The following VPS54 variants were observed in gnomAD, a reference collection of about 807,000 sequenced individuals.
The protein encoded by VPS54 is VPS54 subunit of GARP complex, also known as vacuolar protein sorting-associated protein 54.
A neutral mutation model predicts 121.5 loss-of-function variants in VPS54; 45 were observed. The ratio of observed to expected loss-of-function variants is 0.37; its 90% CI spans 0.29 to 0.47. The LOEUF (loss-of-function observed/expected upper bound fraction) is 0.47. VPS54 is among the 20% of genes least tolerant of loss of function. VPS54 has a pLI of 0.99. For missense variants in VPS54, 1,090 were observed against 1,131.4 expected (o/e 0.96, Z 0.52); for synonymous variants, 371 against 385.8 (o/e 0.96, Z 0.45).
In VPS54 at chr2:63,957,659, C is replaced by A. The variant is rs558381091; in HGVS notation, c.1010+4399G>T. 8.3e-4 allele frequency among the ~76,000 whole-genome samples: 127 copies of A among 152,120 alleles called. 1 individual carries two copies. The highest frequency in any genetic ancestry group is 3.0e-3 in the African/African-American group (126 of 41,514). ...GGAACTTATACAGATACATCATACC[C>A]CCAAATCCATTAGTAGAAACCTCTT... On this transcript the variant is annotated intron_variant, in intron 7 of 22. Transcript: ENST00000272322.
chr2:63,913,990 T>G (rs1371876124), intron 17 of VPS54, 192 bp downstream of exon 17: 1 of 1,253,896 alleles, frequency 8.0e-7, no homozygotes. Flanking sequence ...TGAGGATCAC[T>G]AACTGTGGAG....
intron 1 of VPS54, among the ~76,000 whole-genome samples, chr2:64,014,628 A>G (rs762884961): frequency 6.6e-5 from 7 of 105,604 alleles, no homozygotes; most frequent in African/African-American, 1.1e-4. Flanking sequence ...CCGCCTTACT[A>G]TCTACATTCC....
chr2:63,893,444 C>T lies in VPS54; in HGVS notation c.2920G>A (p.Glu974Lys). ...CCAGGATGACATCACCTCTTCTGCT[C>T]CCAAATTTCGGCCATATTTAGGTCC... ...DLDLNMAEIW[E>K]QKR The change falls in exon 23 of 23, where the codon GAG becomes AAG. Residue 974 changes from glutamate to lysine, a missense_variant. Glu to Lys is a moderately conservative substitution (Grantham distance 56). Coordinates refer to ENST00000272322, the MANE Select transcript of VPS54 (RefSeq NM_016516.3). The T allele has an allele frequency of 1.2e-6, 2 of 1,613,998 alleles. No homozygotes were observed. Among genetic ancestry groups the T allele is most frequent in the Non-Finnish European group, 1.7e-6 (2 of 1,179,888 alleles).
At chr2:64,002,501 A>C (rs1044757275) in intron 1 of VPS54, among the ~76,000 whole-genome samples, 4 of 152,230 alleles carry the variant, frequency 2.6e-5, no homozygotes, top group African/African-American at 2.4e-5. Context: ...TTTATGTTAA[A>C]CATCCATTGC....
intron 12 of VPS54, among the ~76,000 whole-genome samples, chr2:63,930,304 G>C (rs1273420695): frequency 6.6e-6 from 1 of 152,106 alleles, no homozygotes; most frequent in South Asian, 2.1e-4. Context: ...ACATCGAAAA[G>C]CTTATCCACC....
At chr2:63,934,589 G>A (rs1674366693) in intron 11 of VPS54, among the ~76,000 whole-genome samples, 1 of 152,034 alleles carries the variant, frequency 6.6e-6, no homozygotes, top group Admixed American at 6.6e-5. Context: ...CTGAGGTTCT[G>A]GCTCCAGTGG....
At chr2:63,902,598 T>C (rs1412697530) in intron 20 of VPS54, among the ~76,000 whole-genome samples, 1 of 151,818 alleles carries the variant, frequency 6.6e-6, no homozygotes, top group Non-Finnish European at 1.5e-5. Flanking sequence ...AATATCCCAC[T>C]GTCAAGAAAT....
intron 20 of VPS54, among the ~76,000 whole-genome samples, chr2:63,905,395 G>GA (rs1186760130): frequency 6.6e-6 from 1 of 151,924 alleles, no homozygotes; most frequent in East Asian, 1.9e-4. Flanking sequence ...AAGAATAAAA[G>GA]AATATCATAT....
At chr2:63,935,523 A>G (rs1674415064) in intron 11 of VPS54, among the ~76,000 whole-genome samples, 1 of 151,990 alleles carries the variant, frequency 6.6e-6, no homozygotes, top group Non-Finnish European at 1.5e-5. Flanking sequence ...CTGTCTTGCT[A>G]ATTTTCTTTC....
chr2:63,973,808 G>A (rs576988997), intron 3 of VPS54, among the ~76,000 whole-genome samples: 8 of 152,248 alleles, frequency 5.3e-5, no homozygotes, highest in African/African-American at 1.9e-4. Context: ...ACCTCCCAAA[G>A]TGCTGGGATT....
At chr2:63,945,460 G>A (rs1011780968) in intron 9 of VPS54, among the ~76,000 whole-genome samples, 5 of 152,094 alleles carry the variant, frequency 3.3e-5, no homozygotes, top group African/African-American at 4.8e-5. Flanking sequence ...ATACCTGGGT[G>A]ATGATATAAT....
chr2:63,972,226 T>G lies in VPS54; in HGVS notation c.397A>C (p.Arg133=). 1 of 1,591,830 alleles carries G rather than the reference T, an allele frequency of 6.3e-7. No individual in the cohort carries two copies. Among genetic ancestry groups the G allele is most frequent in the Non-Finnish European group, 8.6e-7 (1 of 1,164,838 alleles). The change falls in exon 4 of 23, where the codon AGA becomes CGA. Residue 133 remains arginine, a synonymous_variant. Coordinates refer to ENST00000272322, the MANE Select transcript of VPS54 (RefSeq NM_016516.3). ...TTAGGAGGACAAATATTCTTGCATCTCTCATGAATCTTCTCTCTCTAATAA... is the reference window on the plus strand; with the variant it reads ...TTAGGAGGACAAATATTCTTGCATCGCTCATGAATCTTCTCTCTCTAATAA... ...EISQREKIHE[R]CKNICPPKDT...
At position 63,972,205 on chromosome 2, in the gene VPS54, G is replaced by A. The variant is rs773018734; in HGVS notation, c.418C>T (p.Pro140Ser). Residue 140 changes from proline to serine, a missense_variant, in exon 4 of 23, where the codon CCT (proline) becomes TCT (serine). Transcript: ENST00000272322. ...AGAGTCCTTTCGAAGGTATCTTTAG[G>A]AGGACAAATATTCTTGCATCTCTCA... is the stretch of plus-strand genomic sequence containing the variant. ...IHERCKNICP[P>S]KDTFERTLLH... is the part of the protein sequence containing the mutation. 9 of 1,595,714 alleles carry A rather than the reference G, an allele frequency of 5.6e-6. No homozygotes were observed. Among genetic ancestry groups the A allele is most frequent in the Admixed American group, 1.7e-5 (1 of 59,666 alleles).
In VPS54 at chr2:63,920,435, G is replaced by A. The variant is rs750259007; in HGVS notation, c.2051+11C>T. On this transcript the variant is annotated intron_variant, in intron 14 of 22. Transcript: ENST00000272322. ...AAAAATCAAACAACAGAATGGACAT[G>A]GTGATGATACCTGAGCTTGGTTTTT... 1.3e-6 allele frequency: 2 copies of A among 1,489,656 alleles called. No individual in the cohort carries two copies. Among genetic ancestry groups the A allele is most frequent in the Middle Eastern group, 1.8e-4 (1 of 5,562 alleles). The allele number at this position is 1,489,656 out of a possible 1,614,324, so 92.3% of individuals were successfully genotyped here.
rs1397496103 is a variant in VPS54, at chr2:63,919,806, A to G, written c.2164+77T>C. 2.2e-5 allele frequency: 24 copies of G among 1,067,710 alleles called. 1 individual carries two copies. The South Asian group carries it at 3.8e-4, about 17-fold the overall frequency. 66.1% of individuals were successfully genotyped at this position (1,067,710 alleles called of 1,614,324 possible). On this transcript the variant is annotated intron_variant, in intron 15 of 22. Transcript: ENST00000272322. ...AGCTTTGAAATAGGCATTGTCAACT[A>G]AAGAAATATTAAGCATTAATACAAA...
intron 7 of VPS54, among the ~76,000 whole-genome samples, chr2:63,959,424 A>G (rs1474575017): frequency 6.6e-6 from 1 of 152,200 alleles, no homozygotes; most frequent in Non-Finnish European, 1.5e-5. Flanking sequence ...TCTGATACCA[A>G]ACTTTTAAAC....
At chr2:63,977,896 G>A (rs1575981831) in intron 3 of VPS54, among the ~76,000 whole-genome samples, 2 of 152,166 alleles carry the variant, frequency 1.3e-5, no homozygotes, top group Admixed American at 6.5e-5. Context: ...GGTGTCAGAG[G>A]CTAAAATTTC....
In VPS54 at chr2:63,913,083, A is replaced by C. The variant is rs187423239; in HGVS notation, c.2422+140T>G. The C allele has an allele frequency of 3.1e-4, 207 of 665,898 alleles. No individual in the cohort carries two copies. The African/African-American group carries it at 3.4e-3, about 11-fold the overall frequency. 41.2% of individuals were successfully genotyped at this position (665,898 alleles called of 1,614,324 possible). A position where few individuals can be genotyped will look rare whatever the true frequency, so the allele number is the denominator to read the frequency against. ...GTTTTTTTCAGTGATGAGTATACAT[A>C]AAAGAGTAAGTAGCATTTATTTTTA... is the stretch of plus-strand genomic sequence containing the variant. On this transcript the variant is annotated intron_variant, in intron 18 of 22. Coordinates refer to ENST00000272322, the MANE Select transcript of VPS54 (RefSeq NM_016516.3).
intron 15 of VPS54, among the ~76,000 whole-genome samples, chr2:63,917,868 T>A (rs1035313189): frequency 3.3e-5 from 5 of 151,972 alleles, no homozygotes; most frequent in African/African-American, 9.7e-5. Flanking sequence ...TTGCTTAACC[T>A]CTTTGTGCCT....
Sources: allele counts gnomAD v4.1 joint callset (sites outside exome capture counted in the v4.1 genomes callset), GRCh38; gene constraint gnomAD v4.1.1; transcripts MANE v1.5; gene names NCBI Gene and HGNC (gene_info 2026-07-23, HGNC 2026-07-21).